The following ZFPM2 variants were observed in gnomAD, a reference collection of about 807,000 sequenced individuals.
ZFPM2 encodes zinc finger protein, FOG family member 2.
In ZFPM2, 20 loss-of-function variants were observed where a neutral mutation model predicts 98.6. The ratio of observed to expected loss-of-function variants is 0.20; its 90% CI spans 0.14 to 0.29. The LOEUF (loss-of-function observed/expected upper bound fraction) is 0.29. ZFPM2 is among the 10% of genes least tolerant of loss of function. The probability of loss-of-function intolerance (pLI) is 1.00; values close to 1 mark genes in which losing one functional copy is unlikely to be tolerated. For synonymous variants in ZFPM2, 518 were observed against 502.7 expected, an observed-to-expected ratio of 1.03 and a Z score of -0.41; for missense variants, 1,310 against 1,388.6, an observed-to-expected ratio of 0.94 and a Z score of 0.90.
chr8:105,319,916 G>A (rs1811988283), intron 1 of ZFPM2, among the ~76,000 whole-genome samples: 1 of 152,286 alleles, frequency 6.6e-6, no homozygotes. Context: ...GGCTTGGGGA[G>A]AATTCCTCCA....
In ZFPM2 at chr8:105,548,232, C is replaced by G. The variant is rs188064250; in HGVS notation, c.302-13131C>G. Among the ~76,000 whole-genome samples, 20 of 151,822 alleles carry G rather than the reference C, an allele frequency of 1.3e-4. No homozygotes were observed. The East Asian group carries it at 3.7e-3, about 28-fold the overall frequency. On this transcript the variant is annotated intron_variant, in intron 3 of 7. Coordinates refer to ENST00000407775, the MANE Select transcript of ZFPM2 (RefSeq NM_012082.4). Reference sequence around the variant, plus strand: ...CCTCTCTGACCTTTAGTGCTGGAGGCGATAACTTTCAGGATCCTTATATTA... The same window carrying G: ...CCTCTCTGACCTTTAGTGCTGGAGGGGATAACTTTCAGGATCCTTATATTA...
At chr8:105,699,801 G>A (rs542929316) in intron 5 of ZFPM2, among the ~76,000 whole-genome samples, 1 of 151,950 alleles carries the variant, frequency 6.6e-6, no homozygotes, top group South Asian at 2.1e-4. Context: ...GCTACACAAA[G>A]TCATAAAATA....
chr8:105,734,674 T>A (rs868409653), intron 5 of ZFPM2, among the ~76,000 whole-genome samples: 6 of 152,092 alleles, frequency 3.9e-5, no homozygotes, highest in Middle Eastern at 6.8e-3. Flanking sequence ...TGTAAACTTA[T>A]GAGAGATTGC....
At chr8:105,550,269 C>T (rs1814820087) in intron 3 of ZFPM2, among the ~76,000 whole-genome samples, 1 of 152,112 alleles carries the variant, frequency 6.6e-6, no homozygotes, top group Admixed American at 6.6e-5. Context: ...ATTCTGCTTT[C>T]CAAATTGACT....
intron 3 of ZFPM2, among the ~76,000 whole-genome samples, chr8:105,517,681 C>CCACACA: frequency 1.3e-5 from 1 of 78,836 alleles, no homozygotes; most frequent in East Asian, 3.5e-4. Context: ...GAGACCCTAT[C>CCACACA]CACACACACA....
intron 4 of ZFPM2, among the ~76,000 whole-genome samples, chr8:105,628,063 G>C (rs559355203): frequency 6.6e-6 from 1 of 152,236 alleles, no homozygotes; most frequent in Non-Finnish European, 1.5e-5. Flanking sequence ...GCAAAAGTTT[G>C]ATCTGCATCT....
At chr8:105,722,020 G>T (rs1224067189) in intron 5 of ZFPM2, among the ~76,000 whole-genome samples, 4 of 151,856 alleles carry the variant, frequency 2.6e-5, no homozygotes, top group African/African-American at 9.6e-5. Context: ...AATTGGTAAT[G>T]TTTTTGATAT....
chr8:105,721,028 CT>C (rs1811650482), intron 5 of ZFPM2, among the ~76,000 whole-genome samples: 1 of 151,806 alleles, frequency 6.6e-6, no homozygotes, highest in Non-Finnish European at 1.5e-5. Context: ...AAAATCATTC[CT>C]TTTTAGCGAC....
intron 5 of ZFPM2, among the ~76,000 whole-genome samples, chr8:105,676,420 A>C (rs1810463860): frequency 6.6e-6 from 1 of 152,296 alleles, no homozygotes; most frequent in Admixed American, 6.5e-5. Flanking sequence ...TTTGTCAATG[A>C]AACTTTTTTC....
intron 5 of ZFPM2, chr8:105,685,842 A>G (rs566437638): frequency 1.4e-4 from 21 of 152,126 alleles, no homozygotes; most frequent in Non-Finnish European, 1.8e-4. Context: ...TGAAGACTCA[A>G]TACTATATAA....
chr8:105,424,386 T>C (rs1310789763), intron 2 of ZFPM2, among the ~76,000 whole-genome samples: 9 of 152,136 alleles, frequency 5.9e-5, no homozygotes, highest in Admixed American at 2.0e-4. Context: ...TTCTTGGGTA[T>C]AATAATGCCC....
At chr8:105,342,629 G>A in intron 1 of ZFPM2, among the ~76,000 whole-genome samples, 1 of 151,488 alleles carries the variant, frequency 6.6e-6, no homozygotes, top group East Asian at 1.9e-4. Flanking sequence ...GGGAATGCAA[G>A]TTCTTAACTT....
chr8:105,566,040 G>T (rs760955988), intron 4 of ZFPM2, among the ~76,000 whole-genome samples: 2 of 152,128 alleles, frequency 1.3e-5, no homozygotes, highest in African/African-American at 2.4e-5. Context: ...ATATTTCCTC[G>T]TCTGCAGGGA....
chr8:105,801,944 T>C lies in ZFPM2; in HGVS notation c.1862T>C (p.Leu621Pro), dbSNP rs1586284492. The change falls in exon 8 of 8, where the codon CTT becomes CCT. Residue 621 changes from leucine (L) to proline (P), a missense_variant. By Grantham distance (98) the Leu-to-Pro change is moderately conservative. Transcript: ENST00000407775. ...AHSADPENPL[L>P]QTSCINSSTV... ...TCTGCTGATCCTGAGAATCCACTTC[T>C]TCAAACATCTTGCATCAATTCTTCC... The C allele has an allele frequency of 6.2e-7, 1 of 1,613,918 alleles. No homozygotes were observed. Among genetic ancestry groups the C allele is most frequent in the South Asian group, 1.1e-5 (1 of 91,074 alleles).
rs1325220110 is a variant in ZFPM2 at position 105,489,448 on chromosome 8, TTA to T, written c.301+45085_301+45086del. 7.7e-4 allele frequency among the ~76,000 whole-genome samples: 84 copies of T among 108,828 alleles called. 2 individuals are homozygous for T. The highest frequency in any genetic ancestry group is 1.3e-3 in the Admixed American group (14 of 10,640). 71.4% of individuals were successfully genotyped at this position (108,828 alleles called of 152,430 possible). On this transcript the variant is annotated intron_variant, in intron 3 of 7. Transcript: ENST00000407775. ...TATATATATTTATAGATATATGTTT[TTA>T]TATATATATATATATATTTTTTTTT...
chr8:105,320,702 C>A (rs1812009437), intron 1 of ZFPM2, among the ~76,000 whole-genome samples: 1 of 152,082 alleles, frequency 6.6e-6, no homozygotes, highest in Non-Finnish European at 1.5e-5. Flanking sequence ...CTTGGGAATA[C>A]TTTGTTATCT....
At chr8:105,641,275 A>C (rs1643349408) in intron 5 of ZFPM2, among the ~76,000 whole-genome samples, 1 of 152,080 alleles carries the variant, frequency 6.6e-6, no homozygotes, top group South Asian at 2.1e-4. Flanking sequence ...AATCATTTTC[A>C]TTAAGAAAAT....
In ZFPM2 at chr8:105,363,989, A is replaced by G. The variant is rs932687448; in HGVS notation, c.40+45008A>G. On this transcript the variant is annotated intron_variant, in intron 1 of 7. Coordinates refer to ENST00000407775, the MANE Select transcript of ZFPM2 (RefSeq NM_012082.4). ...AAACTGAGATATAGGTTTTTTTTCTAGAAAAGAAAATTTGTAGAGAAAGAA... is the reference window on the plus strand; with the variant it reads ...AAACTGAGATATAGGTTTTTTTTCTGGAAAAGAAAATTTGTAGAGAAAGAA... Among the ~76,000 whole-genome samples the G allele has an allele frequency of 1.8e-4, 28 of 151,970 alleles. 1 individual carries two copies.
intron 2 of ZFPM2, among the ~76,000 whole-genome samples, chr8:105,421,970 C>G (rs955584411): frequency 6.7e-6 from 1 of 148,162 alleles, no homozygotes; most frequent in African/African-American, 2.5e-5. Flanking sequence ...TTGCTTGAAC[C>G]CAGAAGGCAG....
Sources: allele counts gnomAD v4.1 joint callset (sites outside exome capture counted in the v4.1 genomes callset), GRCh38; gene constraint gnomAD v4.1.1; transcripts MANE v1.5; gene names NCBI Gene and HGNC (gene_info 2026-07-23, HGNC 2026-07-21).